Variants in PLEKHM2 observed in about 807,000 individuals in gnomAD.
PLEKHM2 encodes pleckstrin homology domain-containing family M member 2.
A neutral mutation model predicts 116.3 loss-of-function variants in PLEKHM2; 77 were observed. The observed-to-expected ratio is 0.66, with a 90% CI of 0.55 to 0.80. The LOEUF is 0.80. Ranked by LOEUF, PLEKHM2 falls within the 30% of genes least tolerant of loss-of-function variation. PLEKHM2 has a pLI of 0.00. For synonymous variants in PLEKHM2, 562 were observed against 571.0 expected, an observed-to-expected ratio of 0.98 and a Z score of 0.22; for missense variants, 1,183 against 1,354.9, an observed-to-expected ratio of 0.87 and a Z score of 1.99.
chr1:15,702,190 G>A (rs1641128564), intron 1 of PLEKHM2, among the ~76,000 whole-genome samples: 2 of 152,196 alleles, frequency 1.3e-5, no homozygotes, highest in Admixed American at 6.5e-5. Flanking sequence ...CGCAAGGTGG[G>A]CAGTGGCATG....
At chr1:15,714,424 C>T (rs573415016) in intron 1 of PLEKHM2, among the ~76,000 whole-genome samples, 1 of 150,614 alleles carries the variant, frequency 6.6e-6, no homozygotes, top group East Asian at 1.9e-4. Context: ...ATGTTTCCAG[C>T]TGTTGCTGAG....
At chr1:15,691,924 C>T (rs1458948299) in intron 1 of PLEKHM2, among the ~76,000 whole-genome samples, 1 of 152,014 alleles carries the variant, frequency 6.6e-6, no homozygotes, top group East Asian at 1.9e-4. Flanking sequence ...GCCTGTGCAA[C>T]ATAATGAGAC....
At chr1:15,699,852 C>T (rs747322237) in intron 1 of PLEKHM2, among the ~76,000 whole-genome samples, 5 of 151,228 alleles carry the variant, frequency 3.3e-5, no homozygotes, top group Non-Finnish European at 4.4e-5. Context: ...TGGTGGTGTG[C>T]GCCTATAGTC....
chr1:15,730,658 C>T lies in PLEKHM2; in HGVS notation c.2335C>T (p.His779Tyr). ...EGTITKEGML[H>Y]YKAGTSYLGK... ...CACCATCACCAAAGAAGGCATGCTG[C>T]ACTACAAGGCGGGCACCTCCTACCT... is the stretch of plus-strand genomic sequence containing the variant. The change falls in exon 15 of 20, where the codon CAC (histidine) becomes TAC (tyrosine). Residue 779 changes from histidine (H) to tyrosine (Y), a missense_variant. Transcript: ENST00000375799. 2 of 1,610,154 alleles carry T rather than the reference C, an allele frequency of 1.2e-6. No individual in the cohort carries two copies. Among genetic ancestry groups the T allele is most frequent in the Non-Finnish European group, 8.5e-7 (1 of 1,178,478 alleles).
In PLEKHM2 at chr1:15,725,499, C is replaced by CAGGCCCTGGACCCGCCGGATGCCT. The variant is rs1557658274; in HGVS notation, c.896_919dup (p.Ala306_Cys307insTer). Reference sequence around the variant, plus strand: ...CACCTCTCAGGAGAAGGAGGAGGCCCAGGCCCTGGACCCGCCGGATGCCTG... The same window carrying CAGGCCCTGGACCCGCCGGATGCCT: ...CACCTCTCAGGAGAAGGAGGAGGCCCAGGCCCTGGACCCGCCGGATGCCTAGGCCCTGGACCCGCCGGATGCCTG... On this transcript the variant is annotated stop_gained and inframe_insertion, in exon 8 of 20. Transcript: ENST00000375799. LOFTEE classifies it high-confidence loss of function. The CAGGCCCTGGACCCGCCGGATGCCT allele has an allele frequency of 6.3e-7, 1 of 1,580,204 alleles. No individual in the cohort carries two copies. Among genetic ancestry groups the CAGGCCCTGGACCCGCCGGATGCCT allele is most frequent in the Non-Finnish European group, 8.6e-7 (1 of 1,164,000 alleles).
chr1:15,687,069 T>C (rs1640787966), intron 1 of PLEKHM2, among the ~76,000 whole-genome samples: 1 of 152,160 alleles, frequency 6.6e-6, no homozygotes, highest in Non-Finnish European at 1.5e-5. Flanking sequence ...ATTACAGGCA[T>C]GAGCCACCGT....
chr1:15,728,438 G>A lies in PLEKHM2; in HGVS notation c.1921+81G>A. The A allele has an allele frequency of 1.5e-6, 2 of 1,310,122 alleles. No individual in the cohort carries two copies. Among genetic ancestry groups the A allele is most frequent in the African/African-American group, 1.5e-5 (1 of 68,904 alleles). 81.2% of individuals were successfully genotyped at this position (1,310,122 alleles called of 1,614,324 possible). A position where few individuals can be genotyped will look rare whatever the true frequency, so the allele number is the denominator to read the frequency against. On this transcript the variant is annotated intron_variant, in intron 11 of 19. Coordinates refer to ENST00000375799, the MANE Select transcript of PLEKHM2 (RefSeq NM_015164.4). The surrounding 1 kb of genome is among the most constrained non-coding windows in gnomAD (Gnocchi z 5.9). ...CTTTTCCCCAGTCCCCTTGCCCTCT[G>A]AGTGCCTCCCGGCTGCCTGGCATGC...
rs926966510 is a variant in PLEKHM2 at position 15,727,328 on chromosome 1, G to A, written c.1256G>A (p.Gly419Glu). The change falls in exon 9 of 20, where the codon GGG becomes GAG. Residue 419 changes from glycine to glutamate, a missense_variant. Coordinates refer to ENST00000375799, the MANE Select transcript of PLEKHM2 (RefSeq NM_015164.4). The surrounding 1 kb of genome is among the most constrained non-coding windows in gnomAD (Gnocchi z 7.5). ...AGCAAGGTTATCGACCAGCTCAACG[G>A]GCAGCTGGACCCCAGCACCTGGTGC... ...PLSKVIDQLN[G>E]QLDPSTWCSR... 6 of 1,598,228 alleles carry A rather than the reference G, an allele frequency of 3.8e-6. No homozygotes were observed. The highest frequency in any genetic ancestry group is 5.1e-6 in the Non-Finnish European group (6 of 1,173,276).
Position 15,732,655 on chromosome 1 carries a change from T to A in PLEKHM2, c.2849T>A (p.Ile950Asn), listed in dbSNP as rs772201190. The change falls in exon 19 of 20, where the codon ATC (isoleucine) becomes AAC (asparagine). Residue 950 changes from isoleucine to asparagine, a missense_variant. Physicochemically the swap from Ile to Asn is moderately radical, Grantham distance 149. Coordinates refer to ENST00000375799, the MANE Select transcript of PLEKHM2 (RefSeq NM_015164.4). ...CAGCAGCTCCTCCCGCCCTGGGTCA[T>A]CTACCTGAGCTGCACTTCTGAACTG... is the stretch of plus-strand genomic sequence containing the variant. ...DSQQLLPPWVIYLSCTSELDR... is the reference protein window; with the variant it reads ...DSQQLLPPWVNYLSCTSELDR... 6.2e-7 allele frequency: 1 copy of A among 1,609,882 alleles called. No homozygotes were observed. The highest frequency in any genetic ancestry group is 8.5e-7 in the Non-Finnish European group (1 of 1,178,252).
chr1:15,706,553 G>T (rs1641230334), intron 1 of PLEKHM2, among the ~76,000 whole-genome samples: 4 of 152,072 alleles, frequency 2.6e-5, no homozygotes, highest in Admixed American at 2.6e-4. Context: ...TTACAGGTGT[G>T]CGCCACCATG....
At chr1:15,730,127 G>T (rs12401740) in intron 14 of PLEKHM2, among the ~76,000 whole-genome samples, 198 bp downstream of exon 14, 2,526 of 152,286 alleles carry the variant, frequency 0.017, 66 homozygotes, top group Admixed American at 0.064. Flanking sequence ...TTCCTACCTG[G>T]GGTGTGTCCT....
chr1:15,716,701 TC>T lies in PLEKHM2; in HGVS notation c.168-5del. The T allele has an allele frequency of 6.4e-7, 1 of 1,560,028 alleles. No individual in the cohort carries two copies. Among genetic ancestry groups the T allele is most frequent in the East Asian group, 2.4e-5 (1 of 41,622 alleles). ...GGTCACAGCAGCTCCTGTCCTGTTT[TC>T]TCAGACTGCAAGACCTCTCCTCTGG... On this transcript the variant is annotated splice_polypyrimidine_tract_variant and splice_region_variant and intron_variant, in intron 2 of 19. Transcript: ENST00000375799.
At position 15,698,544 on chromosome 1, in the gene PLEKHM2, TCTTTC is replaced by T. The variant is rs371444371; in HGVS notation, c.60+13927_60+13931del. 2.3e-3 allele frequency among the ~76,000 whole-genome samples: 272 copies of T among 117,692 alleles called. 2 individuals are homozygous for T. The highest frequency in any genetic ancestry group is 0.011 in the African/African-American group (261 of 23,746). The allele number at this position is 117,692 out of a possible 152,430, so 77.2% of individuals were successfully genotyped here. A position where few individuals can be genotyped will look rare whatever the true frequency, so the allele number is the denominator to read the frequency against. On this transcript the variant is annotated intron_variant, in intron 1 of 19. Transcript: ENST00000375799. Reference sequence around the variant, plus strand: ...TTTTCTTTCTTTTTCTTTCTTTCTTTCTTTCTTTTTTTTTTTTTTTTTTGACATAG... The same window carrying T: ...TTTTCTTTCTTTTTCTTTCTTTCTTTTTTTTTTTTTTTTTTTTTGACATAG...
intron 8 of PLEKHM2, chr1:15,725,749 G>A (rs911678659): frequency 1.2e-5 from 7 of 584,212 alleles, no homozygotes; most frequent in African/African-American, 1.9e-5. Flanking sequence ...CTGGAACAAA[G>A]CACCGCAGAC....
chr1:15,716,919 C>T, intron 3 of PLEKHM2, 103 bp downstream of exon 3: 1 of 1,407,660 alleles, frequency 7.1e-7, no homozygotes, highest in Non-Finnish European at 9.6e-7. Context: ...CCCTGGGAGG[C>T]AAATTACCTG....
At chr1:15,681,596 T>C (rs1265939486), upstream of PLEKHM2, 3 of 474,748 alleles carry the variant, frequency 6.3e-6, no homozygotes, top group African/African-American at 5.9e-5. Context: ...GGGGACTGCA[T>C]TTTCATGAAC....
At chr1:15,712,118 CAAAAAAAAAA>C (rs1005404755) in intron 1 of PLEKHM2, among the ~76,000 whole-genome samples, 1 of 51,688 alleles carries the variant, frequency 1.9e-5, no homozygotes, top group Non-Finnish European at 4.4e-5. Context: ...GATTCAGTCT[CAAAAAAAAAA>C]AAAAAAAAAA....
At chr1:15,704,489 A>C (rs914144195) in intron 1 of PLEKHM2, among the ~76,000 whole-genome samples, 2 of 152,130 alleles carry the variant, frequency 1.3e-5, no homozygotes, top group African/African-American at 4.8e-5. Context: ...GACATCCATA[A>C]ATATTTCAGT....
chr1:15,716,704 C>T lies in PLEKHM2; in HGVS notation c.168-3C>T. 6.4e-7 allele frequency: 1 copy of T among 1,561,656 alleles called. No individual in the cohort carries two copies. The highest frequency in any genetic ancestry group is 2.4e-5 in the East Asian group (1 of 41,726). On this transcript the variant is annotated splice_polypyrimidine_tract_variant and splice_region_variant and intron_variant, in intron 2 of 19. Transcript: ENST00000375799. ...CACAGCAGCTCCTGTCCTGTTTTCTCAGACTGCAAGACCTCTCCTCTGGCT... is the reference window on the plus strand; with the variant it reads ...CACAGCAGCTCCTGTCCTGTTTTCTTAGACTGCAAGACCTCTCCTCTGGCT...
Sources: allele counts gnomAD v4.1 joint callset (sites outside exome capture counted in the v4.1 genomes callset), GRCh38; gene constraint gnomAD v4.1.1; non-coding constraint Gnocchi (gnomAD v3.1); transcripts MANE v1.5; gene names NCBI Gene and HGNC (gene_info 2026-07-23, HGNC 2026-07-21).